SREBF2: variants seen among roughly 807,000 people sequenced by gnomAD.
The protein encoded by SREBF2 is sterol regulatory element binding transcription factor 2, also known as sterol regulatory element-binding protein 2.
In SREBF2, 55 loss-of-function variants were observed where a neutral mutation model predicts 113.1. That is an observed-to-expected ratio of 0.49 (90% CI 0.39 to 0.61). The LOEUF (loss-of-function observed/expected upper bound fraction) is 0.61. Among genes scored for constraint, SREBF2 ranks in the 20% least tolerant of loss-of-function variants. The pLI is 0.00. For synonymous variants in SREBF2, 593 were observed against 605.7 expected, an observed-to-expected ratio of 0.98 and a Z score of 0.31; for missense variants, 1,349 against 1,487.4, an observed-to-expected ratio of 0.91 and a Z score of 1.53.
intron 10 of SREBF2, 113 bp from the exon 11 acceptor site, chr22:41,884,729 T>G: frequency 1.7e-6 from 2 of 1,147,890 alleles, no homozygotes; most frequent in South Asian, 2.6e-5. Flanking sequence ...GATCACAAAG[T>G]TCACCTCGCT....
intron 11 of SREBF2, among the ~76,000 whole-genome samples, chr22:41,889,138 T>C (rs1415331383): frequency 6.6e-6 from 1 of 152,166 alleles, no homozygotes; most frequent in Non-Finnish European, 1.5e-5. Flanking sequence ...CTGGTTTTCG[T>C]TTTTTGAAAC....
At chr22:41,868,025 C>G (rs1250896678) in intron 2 of SREBF2, among the ~76,000 whole-genome samples, 2 of 152,184 alleles carry the variant, frequency 1.3e-5, no homozygotes, top group Non-Finnish European at 2.9e-5. Flanking sequence ...AAGCCTCATG[C>G]TGGGCCCTTA....
chr22:41,899,138 T>C (rs1602347659), intron 15 of SREBF2: 1 of 970,368 alleles, frequency 1.0e-6, no homozygotes, highest in East Asian at 6.1e-5. Context: ...GCACTGGTGG[T>C]TCACAATCAG....
At chr22:41,871,079 T>C in intron 4 of SREBF2, 44 bp downstream of exon 4, 1 of 1,612,142 alleles carries the variant, frequency 6.2e-7, no homozygotes, top group Non-Finnish European at 8.5e-7. Context: ...CCCCCTTTAT[T>C]CCTGGAGGTG....
chr22:41,860,359 G>T (rs1248863543), intron 1 of SREBF2, among the ~76,000 whole-genome samples: 3 of 151,540 alleles, frequency 2.0e-5, no homozygotes, highest in Admixed American at 2.0e-4. Flanking sequence ...AAAAAAAAAA[G>T]ACTTTCAGCC....
chr22:41,833,839 A>T lies in SREBF2; in HGVS notation c.88+481A>T, dbSNP rs1159231732. 2 of 154,264 alleles carry T rather than the reference A, an allele frequency of 1.3e-5. No individual in the cohort carries two copies. Among genetic ancestry groups the T allele is most frequent in the African/African-American group, 4.8e-5 (2 of 41,512 alleles). 9.6% of individuals were successfully genotyped at this position (154,264 alleles called of 1,614,324 possible). A position where few individuals can be genotyped will look rare whatever the true frequency, so the allele number is the denominator to read the frequency against. On this transcript the variant is annotated intron_variant, in intron 1 of 18. Transcript: ENST00000361204. This position sits in a 1 kb window ranked among gnomAD's most constrained non-coding sequence, Gnocchi z 4.1. ...GCCCCGAATCCCTGGGCTTCTCAGG[A>T]TTGACCGACGGCCAGGTCGCCGGGT...
intron 1 of SREBF2, among the ~76,000 whole-genome samples, chr22:41,866,553 C>T (rs954333405): frequency 3.7e-4 from 56 of 151,946 alleles, no homozygotes; most frequent in Admixed American, 1.5e-3. Context: ...GACTCCGTCT[C>T]AAAAAGAAAA....
At chr22:41,880,676 G>A in intron 9 of SREBF2, 40 bp from the exon 10 acceptor site, 2 of 1,613,918 alleles carry the variant, frequency 1.2e-6, no homozygotes, top group Non-Finnish European at 1.7e-6. Flanking sequence ...AAAAGCCGGA[G>A]CAAGGCCAGT....
chr22:41,834,030 A>T (rs2076744721), intron 1 of SREBF2: 1 of 152,682 alleles, frequency 6.5e-6, no homozygotes, highest in Non-Finnish European at 1.5e-5. Context: ...CCCCTCGGGT[A>T]CGGGCTGGGG....
chr22:41,884,592 G>A (rs971901454), intron 10 of SREBF2, among the ~76,000 whole-genome samples: 7 of 152,202 alleles, frequency 4.6e-5, no homozygotes, highest in African/African-American at 1.7e-4. Flanking sequence ...ACAACAACCT[G>A]CAATTGTGAC....
At chr22:41,842,773 G>T (rs1444152639) in intron 1 of SREBF2, among the ~76,000 whole-genome samples, 1 of 152,066 alleles carries the variant, frequency 6.6e-6, no homozygotes, top group Non-Finnish European at 1.5e-5. Context: ...GTGAATCATG[G>T]GGTCAGGAGA....
chr22:41,894,500 A>G (rs1471440263), intron 12 of SREBF2, among the ~76,000 whole-genome samples: 1 of 151,658 alleles, frequency 6.6e-6, no homozygotes, highest in Non-Finnish European at 1.5e-5. Context: ...GAGACATTCC[A>G]TTTTCTGTTT....
At chr22:41,878,197 G>A (rs2077215286) in intron 9 of SREBF2, 74 bp downstream of exon 9, 1 of 1,587,062 alleles carries the variant, frequency 6.3e-7, no homozygotes, top group South Asian at 1.1e-5. Flanking sequence ...GTCAAAGAAA[G>A]TCCTATGATA....
At chr22:41,867,799 T>C (rs1403061898) in intron 2 of SREBF2, among the ~76,000 whole-genome samples, 1 of 149,318 alleles carries the variant, frequency 6.7e-6, no homozygotes, top group African/African-American at 2.5e-5. Context: ...AGAGCGAGAC[T>C]CCCATCTTAA....
intron 1 of SREBF2, among the ~76,000 whole-genome samples, chr22:41,855,044 G>T (rs1314083180): frequency 6.7e-6 from 1 of 149,444 alleles, no homozygotes; most frequent in Non-Finnish European, 1.5e-5. Context: ...AACTTACTAT[G>T]TGTAATATAG....
At chr22:41,856,088 A>G (rs1289922244) in intron 1 of SREBF2, among the ~76,000 whole-genome samples, 1 of 151,352 alleles carries the variant, frequency 6.6e-6, no homozygotes, top group African/African-American at 2.4e-5. Flanking sequence ...GAGGCATATA[A>G]CGTTTTTTTT....
At chr22:41,857,940 G>A (rs528213193) in intron 1 of SREBF2, among the ~76,000 whole-genome samples, 1 of 152,232 alleles carries the variant, frequency 6.6e-6, no homozygotes, top group Non-Finnish European at 1.5e-5. Context: ...CTAGAGTGTG[G>A]GTAACTGATG....
intron 1 of SREBF2, among the ~76,000 whole-genome samples, chr22:41,856,176 G>A (rs59859018): frequency 0.11 from 16,546 of 151,766 alleles, 1,576 homozygotes; most frequent in African/African-American, 0.26. Flanking sequence ...ACCCAGGTTG[G>A]AGTACAGTGG....
chr22:41,865,310 GA>G (rs1032564122), intron 1 of SREBF2, among the ~76,000 whole-genome samples: 2 of 152,096 alleles, frequency 1.3e-5, no homozygotes, highest in Non-Finnish European at 2.9e-5. Flanking sequence ...TGAAGGTTTG[GA>G]AAGGAGGGGC....
Sources: gnomAD v4.1 joint callset for allele counts (sites outside exome capture counted in the v4.1 genomes callset) on GRCh38, gnomAD v4.1.1 for gene constraint, Gnocchi (gnomAD v3.1) non-coding constraint, MANE v1.5 for transcripts, NCBI Gene and HGNC (gene_info 2026-07-23, HGNC 2026-07-21) for gene names.